The following NF1 variants were observed in gnomAD, a reference collection of about 807,000 sequenced individuals.
NF1 encodes neurofibromin.
In NF1, 122 loss-of-function variants were observed where a neutral mutation model predicts 325.7. The ratio of observed to expected loss-of-function variants is 0.37; its 90% CI spans 0.32 to 0.44. The LOEUF (loss-of-function observed/expected upper bound fraction) is 0.44. Among genes scored for constraint, NF1 ranks in the 20% least tolerant of loss-of-function variants. The pLI is 1.00. For missense variants in NF1, 2,140 were observed against 3,415.4 expected, an observed-to-expected ratio of 0.63 and a Z score of 9.31; for synonymous variants, 1,091 against 1,186.0, an observed-to-expected ratio of 0.92 and a Z score of 1.65.
rs1309023153 is a variant in NF1, at chr17:31,360,709, T to G, written c.8377+6T>G. 1 of 1,602,456 alleles carries G rather than the reference T, an allele frequency of 6.2e-7. No individual in the cohort carries two copies. The highest frequency in any genetic ancestry group is 1.1e-5 in the South Asian group (1 of 90,794). On this transcript the variant is annotated splice_donor_region_variant and intron_variant, in intron 57 of 57. Transcript: ENST00000358273. Reference sequence around the variant, plus strand: ...AACTTCCCAGCATTCCCCAGGTCAGTAAATGTGATCTTTATATGACTTTGA... The same window carrying G: ...AACTTCCCAGCATTCCCCAGGTCAGGAAATGTGATCTTTATATGACTTTGA...
At chr17:31,280,055 T>C (rs1432537071) in intron 36 of NF1, among the ~76,000 whole-genome samples, 1 of 152,220 alleles carries the variant, frequency 6.6e-6, no homozygotes, top group Non-Finnish European at 1.5e-5. Context: ...TCTTACTGAT[T>C]CTGCTTCAGA....
chr17:31,238,259 C>G (rs946092452), intron 29 of NF1, among the ~76,000 whole-genome samples: 1 of 119,912 alleles, frequency 8.3e-6, no homozygotes, highest in African/African-American at 4.4e-5. Flanking sequence ...GGAGAAAAAT[C>G]CCTTTATGCT....
chr17:31,231,982 C>T (rs2151433377), intron 24 of NF1, 91 bp from the exon 25 acceptor site: 2 of 735,056 alleles, frequency 2.7e-6, no homozygotes, highest in South Asian at 3.4e-5. Flanking sequence ...AGGTTTATAT[C>T]TGTTAGTAAG....
At chr17:31,240,453 A>G (rs1189926998) in intron 29 of NF1, among the ~76,000 whole-genome samples, 1 of 152,178 alleles carries the variant, frequency 6.6e-6, no homozygotes, top group Non-Finnish European at 1.5e-5. Flanking sequence ...GTGTATATGT[A>G]CCACAGTTTC....
chr17:31,361,973 T>C (rs531098118), intron 57 of NF1, among the ~76,000 whole-genome samples: 1 of 152,338 alleles, frequency 6.6e-6, no homozygotes, highest in South Asian at 2.1e-4. Flanking sequence ...TAACTTTTTT[T>C]CCCATGTAAC....
At chr17:31,263,487 T>C (rs2067730655) in intron 35 of NF1, among the ~76,000 whole-genome samples, 1 of 150,148 alleles carries the variant, frequency 6.7e-6, no homozygotes, top group Non-Finnish European at 1.5e-5. Context: ...AATATAAATA[T>C]AAATAAATAT....
chr17:31,330,491 C>T lies in NF1; in HGVS notation c.5805C>T (p.Ser1935=), dbSNP rs876660179. The T allele has an allele frequency of 1.2e-6, 2 of 1,603,904 alleles. No individual in the cohort carries two copies. The highest frequency in any genetic ancestry group is 1.7e-6 in the Non-Finnish European group (2 of 1,170,868). ...EFLEECISGF[S]KSSIELKHLC... is the part of the protein sequence containing the mutation. ...TGGAAGAGTGTATTTCTGGATTTAG[C>T]AAATCTAGTAAGTAATGATAATTTT... Residue 1935 remains serine, a synonymous_variant, in exon 39 of 58, where the codon AGC becomes AGT. Coordinates refer to ENST00000358273, the MANE Select transcript of NF1 (RefSeq NM_001042492.3).
At chr17:31,318,488 G>A (rs922895646) in intron 36 of NF1, 83 of 1,613,900 alleles carry the variant, frequency 5.1e-5, no homozygotes, top group Non-Finnish European at 6.2e-5. Flanking sequence ...CTTCTAGGCT[G>A]ACGCTTGCCT....
At chr17:31,367,661 T>G (rs2070553398) in intron 57 of NF1, among the ~76,000 whole-genome samples, 2 of 152,188 alleles carry the variant, frequency 1.3e-5, no homozygotes, top group African/African-American at 4.8e-5. Flanking sequence ...ACCCCAGTGT[T>G]TCCTCAGAAA....
At chr17:31,258,157 A>G (rs1347912751) in intron 31 of NF1, among the ~76,000 whole-genome samples, 187 bp from the exon 32 acceptor site, 1 of 152,196 alleles carries the variant, frequency 6.6e-6, no homozygotes, top group Non-Finnish European at 1.5e-5. Flanking sequence ...TTAATATGAT[A>G]TAAGACTAGA....
rs2069376282 is a variant in NF1, at chr17:31,327,540, A to C, written c.5310A>C (p.Thr1770=). 1 of 1,614,150 alleles carries C rather than the reference A, an allele frequency of 6.2e-7. No individual in the cohort carries two copies. ...TCCAAGTAACTTCAGCAGAGCGAAC[A>C]AAAGTCCTAGGGCAATCAGTCTTTC... ...TAVQVTSAER[T]KVLGQSVFLN... The change falls in exon 38 of 58, where the codon ACA becomes ACC. Residue 1770 remains threonine, a synonymous_variant. Transcript: ENST00000358273.
chr17:31,314,087 TC>T, intron 36 of NF1: 1 of 397,982 alleles, frequency 2.5e-6, no homozygotes. Context: ...TTTAAAATGT[TC>T]CTCTAGCAAA....
chr17:31,332,751 C>T lies in NF1; in HGVS notation c.5813-2087C>T, dbSNP rs377490317. 1.7e-3 allele frequency among the ~76,000 whole-genome samples: 85 copies of T among 49,338 alleles called. 10 individuals are homozygous for T. The East Asian group carries it at 0.028, about 16-fold the overall frequency. The allele number at this position is 49,338 out of a possible 152,430, so 32.4% of individuals were successfully genotyped here. The stretch of plus-strand genomic sequence containing the variant: ...CCCTCCCCCGACCCCACCACAGTCC[C>T]CAGAGTGTGATATTCCCCTTCCTGT... On this transcript the variant is annotated intron_variant, in intron 39 of 57. Transcript: ENST00000358273.
chr17:31,343,937 C>G (rs1290560133), intron 48 of NF1, among the ~76,000 whole-genome samples: 1 of 144,984 alleles, frequency 6.9e-6, no homozygotes, highest in Admixed American at 7.0e-5. Flanking sequence ...GCCTGGGTGA[C>G]AGAGTGAGAC....
intron 36 of NF1, chr17:31,294,821 A>G (rs1049988718): frequency 1.5e-6 from 1 of 681,268 alleles, no homozygotes; most frequent in African/African-American, 1.8e-5. Context: ...AAATAGCAGC[A>G]AGTACCAAGA....
At position 31,214,285 on chromosome 17, in the gene NF1, A is replaced by C. The variant is rs1281995070; in HGVS notation, c.1393-166A>C. Among the ~76,000 whole-genome samples, 6 of 152,170 alleles carry C rather than the reference A, an allele frequency of 3.9e-5. No homozygotes were observed. In the East Asian group the frequency reaches 1.2e-3, roughly 29 times the overall value. On this transcript the variant is annotated intron_variant, in intron 12 of 57. Coordinates refer to ENST00000358273, the MANE Select transcript of NF1 (RefSeq NM_001042492.3). ...TTTCATTGTTTTGTTAAGCTTAATA[A>C]TACTGACCTTATGCTTACTATTGAG...
chr17:31,137,266 C>G lies in NF1; in HGVS notation c.61-18717C>G, dbSNP rs139802574. ...GCCATTACCTTCTCAAATATTGTTT[C>G]TTTTCTGTATTTCTATTAGTTTTCT... is the stretch of plus-strand genomic sequence containing the variant. On this transcript the variant is annotated intron_variant, in intron 1 of 57. Coordinates refer to ENST00000358273, the MANE Select transcript of NF1 (RefSeq NM_001042492.3). 219 of 152,166 alleles carry G rather than the reference C, an allele frequency of 1.4e-3. 1 individual carries two copies. The highest frequency in any genetic ancestry group is 4.9e-3 in the African/African-American group (204 of 41,516). 9.4% of individuals were successfully genotyped at this position (152,166 alleles called of 1,614,324 possible).
intron 5 of NF1, among the ~76,000 whole-genome samples, chr17:31,178,876 A>C (rs536196355): frequency 6.6e-6 from 1 of 152,306 alleles, no homozygotes; most frequent in African/African-American, 2.4e-5. Flanking sequence ...AAGTCCTTAG[A>C]GACCTACAAA....
rs2067634979 is a variant in NF1 at position 31,259,023 on chromosome 17, A to T, written c.4333-9A>T. ...ATCTGATTATTTATAACCCTGTTTT[A>T]TTGTGTAGATACTTCAGAGTATTGC... On this transcript the variant is annotated splice_polypyrimidine_tract_variant and intron_variant, in intron 32 of 57. Transcript: ENST00000358273. 4.5e-6 allele frequency: 7 copies of T among 1,541,860 alleles called. No homozygotes were observed. Among genetic ancestry groups the T allele is most frequent in the Non-Finnish European group, 6.2e-6 (7 of 1,121,574 alleles).
Sources: gnomAD v4.1 joint callset for allele counts (sites outside exome capture counted in the v4.1 genomes callset) on GRCh38, gnomAD v4.1.1 for gene constraint, MANE v1.5 for transcripts, NCBI Gene and HGNC (gene_info 2026-07-23, HGNC 2026-07-21) for gene names.